Variants in RMND5B observed in about 807,000 individuals in gnomAD.
The protein encoded by RMND5B is required for meiotic nuclear division 5 homolog B.
A neutral mutation model predicts 50.4 loss-of-function variants in RMND5B; 42 were observed. That is an observed-to-expected ratio of 0.83 (90% CI 0.65 to 1.08). The LOEUF is 1.08. Among genes scored for constraint, RMND5B ranks in the 50% least tolerant of loss-of-function variants. The pLI is 0.00. For synonymous variants in RMND5B, 220 were observed against 210.0 expected (o/e 1.05, Z -0.41); for missense variants, 463 against 508.5 (o/e 0.91, Z 0.86).
At chr5:178,145,593 CG>C (rs1755957482) in intron 7 of RMND5B, among the ~76,000 whole-genome samples, 1 of 151,678 alleles carries the variant, frequency 6.6e-6, no homozygotes, top group Non-Finnish European at 1.5e-5. Flanking sequence ...TTATTAGAGA[CG>C]GGGTTTCACC....
intron 5 of RMND5B, 87 bp from the exon 6 acceptor site, chr5:178,143,539 TG>T (rs1755803030): frequency 3.8e-6 from 4 of 1,041,292 alleles, no homozygotes; most frequent in Non-Finnish European, 5.9e-6. Flanking sequence ...GGCCTGTCTT[TG>T]GCGGGTGAGC....
At chr5:178,131,641 T>C (rs1417640999) in intron 2 of RMND5B, among the ~76,000 whole-genome samples, 1 of 147,060 alleles carries the variant, frequency 6.8e-6, no homozygotes, top group Admixed American at 6.8e-5. Context: ...GGCGGAGGGG[T>C]CAGTATTAGA....
chr5:178,135,189 A>G (rs1170622543), intron 2 of RMND5B: 2 of 190,748 alleles, frequency 1.0e-5, no homozygotes, highest in Non-Finnish European at 2.3e-5. Context: ...ACTCTTGCTC[A>G]GGCTGGAATG....
Position 178,150,505 on chromosome 5 carries a change from A to G in RMND5B, c.*2473A>G. ...AAGTGATCTCCTGCTTTAGCCTCCC[A>G]AGTGGCTGGGACTACAGGCATGTGC... is the stretch of plus-strand genomic sequence containing the variant. On this transcript the variant is annotated 3_prime_UTR_variant, in exon 11 of 11. Coordinates refer to ENST00000313386, the MANE Select transcript of RMND5B (RefSeq NM_022762.5). 2.7e-6 allele frequency: 1 copy of G among 364,020 alleles called. No homozygotes were observed. The highest frequency in any genetic ancestry group is 5.4e-6 in the Non-Finnish European group (1 of 186,320). The allele number at this position is 364,020 out of a possible 1,614,324, so 22.5% of individuals were successfully genotyped here. A position where few individuals can be genotyped will look rare whatever the true frequency, so the allele number is the denominator to read the frequency against.
In RMND5B at chr5:178,146,110, G is replaced by C; in HGVS notation, c.695-4G>C. On this transcript the variant is annotated splice_region_variant and splice_polypyrimidine_tract_variant and intron_variant, in intron 7 of 10. Transcript: ENST00000313386. ...CTGAGCTGCCCCCTCTGGTTGCCTT[G>C]TAGAGATCCAGGTGATGATGGGCAG... is the stretch of plus-strand genomic sequence containing the variant. 1 of 1,613,984 alleles carries C rather than the reference G, an allele frequency of 6.2e-7. No individual in the cohort carries two copies. Among genetic ancestry groups the C allele is most frequent in the Middle Eastern group, 1.6e-4 (1 of 6,062 alleles).
chr5:178,145,152 C>T (rs1314588867), intron 7 of RMND5B, among the ~76,000 whole-genome samples: 9 of 151,962 alleles, frequency 5.9e-5, no homozygotes, highest in African/African-American at 9.7e-5. Context: ...CAGGTTCAAG[C>T]GATTCTCCTG....
rs756017696 is a variant in RMND5B at position 178,143,679 on chromosome 5, A to G, written c.479A>G (p.Asn160Ser). 1.1e-5 allele frequency: 17 copies of G among 1,614,200 alleles called. No individual in the cohort carries two copies. In the East Asian group the frequency reaches 2.9e-4, roughly 27 times the overall value. Reference protein sequence around the residue: ...LDFKQPFLELNRILEALHEQD... With the variant: ...LDFKQPFLELSRILEALHEQD... The stretch of plus-strand genomic sequence containing the variant: ...TTCAAGCAGCCTTTCCTAGAGTTGA[A>G]TCGAATCCTGGAAGCCCTGCACGAA... Residue 160 changes from asparagine to serine, a missense_variant, in exon 6 of 11, where the codon AAT becomes AGT. By Grantham distance (46) the Asn-to-Ser change is conservative. Coordinates refer to ENST00000313386, the MANE Select transcript of RMND5B (RefSeq NM_022762.5).
intron 2 of RMND5B, among the ~76,000 whole-genome samples, chr5:178,134,162 A>C (rs1758489285): frequency 6.6e-6 from 1 of 152,186 alleles, no homozygotes; most frequent in Admixed American, 6.5e-5. Context: ...ACTGTGCTGC[A>C]GTAGCTGAGG....
Position 178,146,158 on chromosome 5 carries a change from T to G in RMND5B, c.739T>G (p.Leu247Val), listed in dbSNP as rs747146367. ...MGSLVYLRLG[L>V]EKSPYCHLLD... ...CAGCCTGGTGTACCTGCGGCTGGGC[T>G]TGGAGAAGTCACCCTACTGCCACCT... Residue 247 changes from leucine to valine, a missense_variant, in exon 8 of 11, where the codon TTG becomes GTG. Transcript: ENST00000313386. 9 of 1,614,164 alleles carry G rather than the reference T, an allele frequency of 5.6e-6. No homozygotes were observed. The Middle Eastern group carries it at 5.0e-4, about 89-fold the overall frequency.
In RMND5B at chr5:178,138,431, A is replaced by C. The variant is rs1241946637; in HGVS notation, c.139+173A>C. The stretch of plus-strand genomic sequence containing the variant: ...GTCTCTGAGCTACTTCAAAAAGCCC[A>C]ACAAATTATTAATTTACCTGAGATG... On this transcript the variant is annotated intron_variant, in intron 3 of 10. Transcript: ENST00000313386. The surrounding 1 kb of genome is among the most constrained non-coding windows in gnomAD (Gnocchi z 5.1). The C allele has an allele frequency of 4.3e-6, 6 of 1,379,846 alleles. No homozygotes were observed. Among genetic ancestry groups the C allele is most frequent in the Non-Finnish European group, 5.6e-6 (6 of 1,070,014 alleles). The allele number at this position is 1,379,846 out of a possible 1,614,324, so 85.5% of individuals were successfully genotyped here.
intron 5 of RMND5B, 149 bp downstream of exon 5, chr5:178,143,141 A>G: frequency 9.5e-7 from 1 of 1,049,768 alleles, no homozygotes; most frequent in Non-Finnish European, 1.3e-6. Flanking sequence ...AGCTTTAAAA[A>G]CATATATGAT....
chr5:178,147,266 T>C, intron 8 of RMND5B: 2 of 508,916 alleles, frequency 3.9e-6, no homozygotes, highest in Non-Finnish European at 7.1e-6. Flanking sequence ...GTCATTAGGA[T>C]GAGCAGATAT....
Position 178,148,183 on chromosome 5 carries a change from G to A in RMND5B, c.*151G>A, listed in dbSNP as rs1756141263. 1.3e-6 allele frequency: 1 copy of A among 745,866 alleles called. No homozygotes were observed. The highest frequency in any genetic ancestry group is 2.3e-6 in the Non-Finnish European group (1 of 439,312). The allele number at this position is 745,866 out of a possible 1,614,324, so 46.2% of individuals were successfully genotyped here. ...AGGGGAGCACTGGAGCAGCCCTTTG[G>A]CAGAGGCTGAGGAGGGAGATGGACC... On this transcript the variant is annotated 3_prime_UTR_variant, in exon 11 of 11. Transcript: ENST00000313386.
intron 3 of RMND5B, 140 bp from the exon 4 acceptor site, chr5:178,142,443 G>A (rs1193899069): frequency 5.2e-6 from 5 of 964,140 alleles, no homozygotes; most frequent in African/African-American, 3.3e-5. Context: ...GGACCTGGAA[G>A]AGAAGCTAGT....
intron 3 of RMND5B, 144 bp from the exon 4 acceptor site, chr5:178,142,439 G>A (rs1758992841): frequency 1.1e-6 from 1 of 939,922 alleles, no homozygotes; most frequent in African/African-American, 1.6e-5. Flanking sequence ...GGCAGGACCT[G>A]GAAGAGAAGC....
At position 178,149,941 on chromosome 5, in the gene RMND5B, G is replaced by T; in HGVS notation, c.*1909G>T. The T allele has an allele frequency of 8.0e-7, 1 of 1,246,182 alleles. No individual in the cohort carries two copies. Among genetic ancestry groups the T allele is most frequent in the Non-Finnish European group, 1.1e-6 (1 of 874,904 alleles). 77.2% of individuals were successfully genotyped at this position (1,246,182 alleles called of 1,614,324 possible). A position where few individuals can be genotyped will look rare whatever the true frequency, so the allele number is the denominator to read the frequency against. ...CCAGCCTAATCTGGCCCACAACCAT[G>T]TTCTGTTCGGTCCATGTTCTATTTA... On this transcript the variant is annotated 3_prime_UTR_variant, in exon 11 of 11. Coordinates refer to ENST00000313386, the MANE Select transcript of RMND5B (RefSeq NM_022762.5).
At position 178,137,223 on chromosome 5, in the gene RMND5B, G is replaced by A. The variant is rs1425227997; in HGVS notation, c.-12-885G>A. Among the ~76,000 whole-genome samples the A allele has an allele frequency of 6.6e-6, 1 of 152,186 alleles. No individual in the cohort carries two copies. On this transcript the variant is annotated intron_variant, in intron 2 of 10. Transcript: ENST00000313386. The surrounding 1 kb of genome is among the most constrained non-coding windows in gnomAD (Gnocchi z 4.4). ...CTGTCCTCGGGTGTGCGGCGGGTGAGGGTGAGGCAGGAGTGCTGGGCAAGT... is the reference window on the plus strand; with the variant it reads ...CTGTCCTCGGGTGTGCGGCGGGTGAAGGTGAGGCAGGAGTGCTGGGCAAGT...
chr5:178,138,071 G>A lies in RMND5B; in HGVS notation c.-12-37G>A. 1 of 1,544,230 alleles carries A rather than the reference G, an allele frequency of 6.5e-7. No homozygotes were observed. Among genetic ancestry groups the A allele is most frequent in the South Asian group, 1.2e-5 (1 of 83,024 alleles). ...GGCACCCTGCCTGCCATGCCACCGTGGCCCAGATGGGGCCTGACCCAGCTG... is the reference window on the plus strand; with the variant it reads ...GGCACCCTGCCTGCCATGCCACCGTAGCCCAGATGGGGCCTGACCCAGCTG... On this transcript the variant is annotated intron_variant, in intron 2 of 10. Coordinates refer to ENST00000313386, the MANE Select transcript of RMND5B (RefSeq NM_022762.5). This position sits in a 1 kb window ranked among gnomAD's most constrained non-coding sequence, Gnocchi z 5.1.
At chr5:178,135,995 C>T (rs1246831651) in intron 2 of RMND5B, 1 of 152,198 alleles carries the variant, frequency 6.6e-6, no homozygotes, top group Non-Finnish European at 1.5e-5. Flanking sequence ...CATTCCAACA[C>T]AGATATTTGC....
Sources: allele counts gnomAD v4.1 joint callset (sites outside exome capture counted in the v4.1 genomes callset), GRCh38; gene constraint gnomAD v4.1.1; non-coding constraint Gnocchi (gnomAD v3.1); transcripts MANE v1.5; gene names NCBI Gene and HGNC (gene_info 2026-07-23, HGNC 2026-07-21).